The following FRMD4A variants were observed in gnomAD, a reference collection of about 807,000 sequenced individuals.
The protein encoded by FRMD4A is FERM domain containing 4A, also known as FERM domain-containing protein 4A.
A neutral mutation model predicts 129.1 loss-of-function variants in FRMD4A; 29 were observed. The ratio of observed to expected loss-of-function variants is 0.22; its 90% CI spans 0.17 to 0.31. The LOEUF (loss-of-function observed/expected upper bound fraction) is 0.31. Among genes scored for constraint, FRMD4A ranks in the 10% least tolerant of loss-of-function variants. The pLI, the probability that FRMD4A is intolerant of heterozygous loss-of-function variation, is 1.00. For synonymous variants in FRMD4A, 634 were observed against 571.6 expected (o/e 1.11, Z -1.56); for missense variants, 1,272 against 1,375.8 (o/e 0.92, Z 1.19).
intron 2 of FRMD4A, among the ~76,000 whole-genome samples, chr10:13,966,836 A>C (rs1234802443): frequency 1.3e-5 from 2 of 152,264 alleles, no homozygotes; most frequent in African/African-American, 4.8e-5. Context: ...AATGCCCATC[A>C]ATCAATGAGT....
At chr10:14,175,502 C>G (rs532066880) in intron 2 of FRMD4A, among the ~76,000 whole-genome samples, 1 of 149,160 alleles carries the variant, frequency 6.7e-6, no homozygotes, top group Non-Finnish European at 1.5e-5. Context: ...TCACCTCCTT[C>G]GTAGTCTCCA....
intron 2 of FRMD4A, among the ~76,000 whole-genome samples, chr10:13,878,800 G>T (rs1330272072): frequency 7.7e-6 from 1 of 130,642 alleles, no homozygotes; most frequent in Non-Finnish European, 1.6e-5. Context: ...AAGAGAGAAG[G>T]AGAGAAAGAG....
At chr10:13,880,953 T>G (rs567497929) in intron 2 of FRMD4A, among the ~76,000 whole-genome samples, 1 of 152,200 alleles carries the variant, frequency 6.6e-6, no homozygotes, top group African/African-American at 2.4e-5. Flanking sequence ...GGGGCAAGAC[T>G]TGGTTGGTTT....
At chr10:14,036,414 G>A (rs1833504614) in intron 2 of FRMD4A, among the ~76,000 whole-genome samples, 1 of 152,192 alleles carries the variant, frequency 6.6e-6, no homozygotes, top group Non-Finnish European at 1.5e-5. Flanking sequence ...AGGGAAAGCT[G>A]GAAAGATAAA....
chr10:13,779,058 C>T (rs1410315048), intron 6 of FRMD4A, among the ~76,000 whole-genome samples: 1 of 152,140 alleles, frequency 6.6e-6, no homozygotes, highest in Non-Finnish European at 1.5e-5. Flanking sequence ...GTGGCTCATG[C>T]CTGTAATCTC....
chr10:13,962,781 A>G (rs139054960), intron 2 of FRMD4A, among the ~76,000 whole-genome samples: 31 of 152,372 alleles, frequency 2.0e-4, no homozygotes, highest in African/African-American at 6.0e-4. Context: ...GTAGATTAGC[A>G]TATGGCGGGA....
At chr10:13,916,381 C>A (rs978956224) in intron 2 of FRMD4A, among the ~76,000 whole-genome samples, 7 of 152,210 alleles carry the variant, frequency 4.6e-5, no homozygotes, top group Admixed American at 1.3e-4. Flanking sequence ...TAAGGCCCAG[C>A]CCTGCCCATT....
chr10:13,715,905 C>CAAAAA (rs61600242), intron 12 of FRMD4A, among the ~76,000 whole-genome samples: 1 of 125,458 alleles, frequency 8.0e-6, no homozygotes, highest in Non-Finnish European at 1.6e-5. Flanking sequence ...ACTCCCCCCT[C>CAAAAA]AAAAAAAAAA....
intron 2 of FRMD4A, among the ~76,000 whole-genome samples, chr10:13,970,006 G>C (rs986182816): frequency 6.6e-6 from 1 of 152,152 alleles, no homozygotes; most frequent in African/African-American, 2.4e-5. Context: ...TCTAAATCAC[G>C]GTTTCAGAAA....
intron 4 of FRMD4A, among the ~76,000 whole-genome samples, chr10:13,806,835 T>G (rs913114103): frequency 6.6e-6 from 1 of 152,080 alleles, no homozygotes; most frequent in African/African-American, 2.4e-5. Context: ...TGAGATGGAG[T>G]CTCGCTCTGT....
At chr10:13,707,257 GACACACAC>G (rs377738435) in intron 12 of FRMD4A, 144 bp from the exon 13 acceptor site, 6 of 739,214 alleles carry the variant, frequency 8.1e-6, no homozygotes, top group African/African-American at 7.1e-5. Flanking sequence ...CCTCTTGCTT[GACACACAC>G]ACACACATAC....
Position 13,958,418 on chromosome 10 carries a change from G to C in FRMD4A, c.46-99506C>G, listed in dbSNP as rs188434878. 6.0e-3 allele frequency among the ~76,000 whole-genome samples: 902 copies of C among 150,668 alleles called. 10 individuals are homozygous for C. Among genetic ancestry groups the C allele is most frequent in the African/African-American group, 0.021 (858 of 40,936 alleles). ...CCTGCCTCAGCCTCCTGAGTAGCTG[G>C]GACCACAGGTGCCCGCCACCATGCC... is the stretch of plus-strand genomic sequence containing the variant. On this transcript the variant is annotated intron_variant, in intron 2 of 24. Coordinates refer to ENST00000357447, the MANE Select transcript of FRMD4A (RefSeq NM_018027.5).
chr10:13,942,636 T>A (rs1565083677), intron 2 of FRMD4A, among the ~76,000 whole-genome samples: 3 of 152,112 alleles, frequency 2.0e-5, no homozygotes. Context: ...CAAAGAAAAG[T>A]TTTAAAAAAG....
intron 2 of FRMD4A, among the ~76,000 whole-genome samples, chr10:14,179,923 A>G (rs1165053825): frequency 6.6e-6 from 1 of 152,184 alleles, no homozygotes; most frequent in Non-Finnish European, 1.5e-5. Flanking sequence ...AGTCCCAGCT[A>G]CTCAGGAGGC....
At chr10:13,987,973 GT>G (rs1459627552) in intron 2 of FRMD4A, among the ~76,000 whole-genome samples, 2 of 152,060 alleles carry the variant, frequency 1.3e-5, no homozygotes, top group African/African-American at 4.8e-5. Context: ...AAACACTTCA[GT>G]TTTTCTTTTT....
At chr10:13,924,150 C>T (rs1398825157) in intron 2 of FRMD4A, among the ~76,000 whole-genome samples, 1 of 152,212 alleles carries the variant, frequency 6.6e-6, no homozygotes, top group African/African-American at 2.4e-5. Flanking sequence ...CATGCTGTCT[C>T]TGTTGCCCAA....
Position 14,165,969 on chromosome 10 carries a change from C to T in FRMD4A, c.45+164089G>A, listed in dbSNP as rs528741054. Among the ~76,000 whole-genome samples, 60 of 152,136 alleles carry T rather than the reference C, an allele frequency of 3.9e-4. 1 individual carries two copies. The highest frequency in any genetic ancestry group is 2.4e-5 in the African/African-American group (1 of 41,504). On this transcript the variant is annotated intron_variant, in intron 2 of 24. Transcript: ENST00000357447. ...AACCTTAGCATCATGCAATCTAGCC[C>T]TTGTAACAAACGTATCCATGTGCCC...
intron 13 of FRMD4A, among the ~76,000 whole-genome samples, chr10:13,705,269 G>C (rs1469201317): frequency 1.3e-5 from 2 of 152,182 alleles, no homozygotes; most frequent in Admixed American, 1.3e-4. Flanking sequence ...GTGAGATCTA[G>C]ATTCTTTCCT....
At chr10:14,316,950 C>T (rs1846764163) in intron 2 of FRMD4A, among the ~76,000 whole-genome samples, 1 of 152,184 alleles carries the variant, frequency 6.6e-6, no homozygotes, top group African/African-American at 2.4e-5. Flanking sequence ...TGGAAGTTCC[C>T]ATGTGAAACT....
Sources: gnomAD v4.1 joint callset for allele counts (sites outside exome capture counted in the v4.1 genomes callset) on GRCh38, gnomAD v4.1.1 for gene constraint, MANE v1.5 for transcripts, NCBI Gene and HGNC (gene_info 2026-07-23, HGNC 2026-07-21) for gene names.